MANBA: variants seen among roughly 807,000 people sequenced by gnomAD.
The protein encoded by MANBA is beta-mannosidase.
A neutral mutation model predicts 111.1 loss-of-function variants in MANBA; 83 were observed. That is an observed-to-expected ratio of 0.75 (90% CI 0.63 to 0.90). The LOEUF (loss-of-function observed/expected upper bound fraction) is 0.90. Ranked by LOEUF, MANBA falls within the 40% of genes least tolerant of loss-of-function variation. The probability of loss-of-function intolerance (pLI) is 0.00; values close to 1 mark genes in which losing one functional copy is unlikely to be tolerated. For synonymous variants in MANBA, 370 were observed against 378.7 expected (o/e 0.98, Z 0.27); for missense variants, 1,036 against 1,069.0 (o/e 0.97, Z 0.43).
chr4:102,666,437 G>A (rs1731221742), intron 10 of MANBA: 1 of 152,220 alleles, frequency 6.6e-6, no homozygotes, highest in Non-Finnish European at 1.5e-5. Flanking sequence ...TCAGGGAGAT[G>A]ACAATCTTGC....
chr4:102,727,924 T>C (rs1475051706), intron 1 of MANBA: 3 of 480,312 alleles, frequency 6.2e-6, no homozygotes, highest in Admixed American at 2.8e-5. Context: ...GAGGCCTCTT[T>C]GCAAGCAAAG....
chr4:102,709,353 A>AG (rs1221261949), intron 5 of MANBA, among the ~76,000 whole-genome samples: 5 of 149,680 alleles, frequency 3.3e-5, no homozygotes, highest in African/African-American at 1.0e-4. Flanking sequence ...GAAGGAAGGA[A>AG]GAAAAGAAAA....
chr4:102,722,941 C>T lies in MANBA; in HGVS notation c.479G>A (p.Arg160His), dbSNP rs144917953. 4.3e-4 allele frequency: 691 copies of T among 1,614,072 alleles called. 1 individual carries two copies. Among genetic ancestry groups the T allele is most frequent in the African/African-American group, 2.9e-4 (22 of 75,048 alleles). Residue 160 changes from arginine (R) to histidine (H), a missense_variant, in exon 4 of 17, where the codon CGC becomes CAC. Physicochemically the swap from Arg to His is conservative, Grantham distance 29. Transcript: ENST00000647097. The stretch of plus-strand genomic sequence containing the variant: ...AGGGCAGTCTGGGGGAACCTGGTAG[C>T]GAGTGTGAGCTTTGCTCTGCTGTGC... ...YAAQQSKAHT[R>H]YQVPPDCPPL... is the part of the protein sequence containing the mutation.
At chr4:102,684,892 A>G (rs543076244) in intron 7 of MANBA, among the ~76,000 whole-genome samples, 1 of 152,268 alleles carries the variant, frequency 6.6e-6, no homozygotes, top group South Asian at 2.1e-4. Context: ...AAAACTCATG[A>G]ATTGCTTATT....
chr4:102,688,571 C>T (rs1445090348), intron 7 of MANBA, among the ~76,000 whole-genome samples: 3 of 152,140 alleles, frequency 2.0e-5, no homozygotes, highest in South Asian at 2.1e-4. Flanking sequence ...CTGTAAACAC[C>T]GAAGCTGGTG....
rs946503528 is a variant in MANBA, at chr4:102,699,031, A to C, written c.674-8260T>G. ...ATTTGTTTGTATCCTCTTTTATTTC[A>C]TTGAGCAGTGGTTTGTAGTTCTCCT... is the stretch of plus-strand genomic sequence containing the variant. On this transcript the variant is annotated intron_variant, in intron 5 of 16. Coordinates refer to ENST00000647097, the MANE Select transcript of MANBA (RefSeq NM_005908.4). Among the ~76,000 whole-genome samples, 377 of 151,942 alleles carry C rather than the reference A, an allele frequency of 2.5e-3. 8 individuals carry two copies. The highest frequency in any genetic ancestry group is 7.8e-4 in the Non-Finnish European group (53 of 67,932).
intron 1 of MANBA, among the ~76,000 whole-genome samples, chr4:102,745,808 C>T (rs223494): frequency 0.23 from 34,295 of 152,120 alleles, 3,964 homozygotes; most frequent in Admixed American, 0.28. Context: ...ATATCCATTC[C>T]TATGACTCTT....
intron 7 of MANBA, among the ~76,000 whole-genome samples, chr4:102,686,679 A>G (rs1732230324): frequency 1.3e-5 from 2 of 152,080 alleles, no homozygotes; most frequent in South Asian, 4.2e-4. Context: ...GCTTCTTAAA[A>G]CACTCTTTCC....
intron 5 of MANBA, among the ~76,000 whole-genome samples, chr4:102,709,427 GAGAGAGAGAA>G: frequency 7.8e-6 from 1 of 127,990 alleles, no homozygotes; most frequent in African/African-American, 3.6e-5. Context: ...AAGAGAAAGA[GAGAGAGAGAA>G]AGGAAGGAAG....
At chr4:102,663,809 T>A (rs1253416291) in intron 11 of MANBA, among the ~76,000 whole-genome samples, 1 of 152,230 alleles carries the variant, frequency 6.6e-6, no homozygotes, top group Admixed American at 6.5e-5. Flanking sequence ...TTAAAACTTT[T>A]GAAGGCATTA....
chr4:102,760,938 G>A lies in MANBA; in HGVS notation c.-44C>T, dbSNP rs760282395. 3 of 1,525,658 alleles carry A rather than the reference G, an allele frequency of 2.0e-6. 1 individual carries two copies. The South Asian group carries it at 3.6e-5, about 18-fold the overall frequency. 94.5% of individuals were successfully genotyped at this position (1,525,658 alleles called of 1,614,324 possible). A position where few individuals can be genotyped will look rare whatever the true frequency, so the allele number is the denominator to read the frequency against. ...CGAGATGTGGAGAGATCGAAAGGCA[G>A]CGCTGCAAGGGACCGGCGGTGAAGC... On this transcript the variant is annotated 5_prime_UTR_variant, in exon 1 of 17. Coordinates refer to ENST00000647097, the MANE Select transcript of MANBA (RefSeq NM_005908.4).
intron 1 of MANBA, among the ~76,000 whole-genome samples, chr4:102,747,158 G>GATATATAT (rs144093849): frequency 2.3e-4 from 33 of 145,472 alleles, no homozygotes; most frequent in South Asian, 8.4e-4. Flanking sequence ...GAACTAATGG[G>GATATATAT]ATATATATAT....
chr4:102,687,425 C>T (rs374234592), intron 7 of MANBA, among the ~76,000 whole-genome samples: 9 of 152,176 alleles, frequency 5.9e-5, no homozygotes, highest in African/African-American at 1.7e-4. Context: ...TCTTCCTTCA[C>T]GTGGCTCACT....
intron 1 of MANBA, among the ~76,000 whole-genome samples, chr4:102,742,819 C>A (rs186128217): frequency 2.8e-4 from 42 of 152,346 alleles, no homozygotes; most frequent in African/African-American, 9.6e-4. Flanking sequence ...AGAAGCAGTT[C>A]AATATAATCA....
intron 5 of MANBA, among the ~76,000 whole-genome samples, chr4:102,712,080 C>T (rs1387060884): frequency 6.6e-6 from 1 of 152,098 alleles, no homozygotes; most frequent in East Asian, 1.9e-4. Flanking sequence ...ATATTCCCAA[C>T]ATAGAGAAAT....
intron 1 of MANBA, chr4:102,752,336 G>A (rs1723839667): frequency 1.5e-6 from 2 of 1,361,854 alleles, no homozygotes; most frequent in Admixed American, 1.7e-5. Flanking sequence ...AGCACAGATA[G>A]GCATACCAGA....
At chr4:102,679,324 T>C (rs905619601) in intron 7 of MANBA, among the ~76,000 whole-genome samples, 3 of 152,014 alleles carry the variant, frequency 2.0e-5, no homozygotes, top group African/African-American at 7.3e-5. Context: ...TAAGACCTCC[T>C]CTTCCATATG....
chr4:102,758,739 C>T (rs1432021136), intron 1 of MANBA, among the ~76,000 whole-genome samples: 4 of 151,874 alleles, frequency 2.6e-5, no homozygotes, highest in Admixed American at 6.6e-5. Context: ...GACAGGGTCT[C>T]GCCAGTTGCC....
Position 102,665,206 on chromosome 4 carries a change from G to A in MANBA, c.1318-354C>T, listed in dbSNP as rs566694277. ...AACTTTCAGGAAATACAAAAGGCAGGAGACATTATATTTTGGGGATTGGTT... is the reference window on the plus strand; with the variant it reads ...AACTTTCAGGAAATACAAAAGGCAGAAGACATTATATTTTGGGGATTGGTT... On this transcript the variant is annotated intron_variant, in intron 10 of 16. Coordinates refer to ENST00000647097, the MANE Select transcript of MANBA (RefSeq NM_005908.4). 1.1e-4 allele frequency: 28 copies of A among 247,202 alleles called. No homozygotes were observed. In the South Asian group the frequency reaches 1.3e-3, roughly 12 times the overall value. The allele number at this position is 247,202 out of a possible 1,614,324, so 15.3% of individuals were successfully genotyped here.
Sources: gnomAD v4.1 joint callset for allele counts (sites outside exome capture counted in the v4.1 genomes callset) on GRCh38, gnomAD v4.1.1 for gene constraint, MANE v1.5 for transcripts, NCBI Gene and HGNC (gene_info 2026-07-23, HGNC 2026-07-21) for gene names.